NIPBL: variants seen among roughly 807,000 people sequenced by gnomAD.
NIPBL encodes nipped-B-like protein.
Under a neutral mutation model 321.8 loss-of-function variants are expected in NIPBL, and 19 were observed. The observed-to-expected ratio is 0.06, with a 90% CI of 0.04 to 0.09. The LOEUF (loss-of-function observed/expected upper bound fraction) is 0.09. Ranked by LOEUF, NIPBL falls within the 10% of genes least tolerant of loss-of-function variation. The probability of loss-of-function intolerance (pLI) is 1.00; values close to 1 mark genes in which losing one functional copy is unlikely to be tolerated. For missense variants in NIPBL, 2,210 were observed against 3,327.0 expected, an observed-to-expected ratio of 0.66 and a Z score of 8.26; for synonymous variants, 1,106 against 1,114.1, an observed-to-expected ratio of 0.99 and a Z score of 0.14.
At chr5:36,945,868 T>G (rs1228887563) in intron 1 of NIPBL, among the ~76,000 whole-genome samples, 1 of 152,138 alleles carries the variant, frequency 6.6e-6, no homozygotes, top group Non-Finnish European at 1.5e-5. Context: ...GTGGCTTGAC[T>G]GAAGTGAAAG....
chr5:36,954,623 A>G (rs1740740736), intron 2 of NIPBL, among the ~76,000 whole-genome samples: 1 of 152,282 alleles, frequency 6.6e-6, no homozygotes, highest in African/African-American at 2.4e-5. Context: ...TTTTCTCCCC[A>G]TGATCTTTGC....
Position 37,014,780 on chromosome 5 carries a change from T to C in NIPBL, c.4643+15T>C, listed in dbSNP as rs746631564. 5.4e-6 allele frequency: 8 copies of C among 1,481,350 alleles called. No homozygotes were observed. The South Asian group carries it at 5.7e-5, about 10-fold the overall frequency. The allele number at this position is 1,481,350 out of a possible 1,614,324, so 91.8% of individuals were successfully genotyped here. Reference sequence around the variant, plus strand: ...TTCCTTAAAAAGTGAGTAAAATTAATATAAATCTGGTTTTTCTTTTCCACA... The same window carrying C: ...TTCCTTAAAAAGTGAGTAAAATTAACATAAATCTGGTTTTTCTTTTCCACA... On this transcript the variant is annotated intron_variant, in intron 22 of 46. Transcript: ENST00000282516.
At chr5:36,943,040 T>C (rs1216931444) in intron 1 of NIPBL, among the ~76,000 whole-genome samples, 3 of 152,156 alleles carry the variant, frequency 2.0e-5, no homozygotes, top group Non-Finnish European at 2.9e-5. Context: ...GTTGTTATAT[T>C]GTAACTTCAA....
intron 11 of NIPBL, among the ~76,000 whole-genome samples, chr5:36,999,881 A>G (rs1746587222): frequency 6.6e-6 from 1 of 152,166 alleles, no homozygotes. Flanking sequence ...GGTTTAACTT[A>G]GCTATTAATT....
At position 36,961,438 on chromosome 5, in the gene NIPBL, T is replaced by C. The variant is rs1580338210; in HGVS notation, c.359-46T>C. 1.0e-5 allele frequency: 11 copies of C among 1,094,004 alleles called. No individual in the cohort carries two copies. The East Asian group carries it at 1.4e-4, about 14-fold the overall frequency. The allele number at this position is 1,094,004 out of a possible 1,614,324, so 67.8% of individuals were successfully genotyped here. On this transcript the variant is annotated intron_variant, in intron 4 of 46. Transcript: ENST00000282516. ...GATTTCAGTTATTTAAAGGACACTT[T>C]ACTGTTAGAAGAAAATAACGTTCTG...
intron 1 of NIPBL, among the ~76,000 whole-genome samples, chr5:36,903,049 C>G (rs1747356019): frequency 6.6e-6 from 1 of 152,030 alleles, no homozygotes; most frequent in East Asian, 1.9e-4. Context: ...GGATTACATT[C>G]TTGATTTGAC....
At chr5:36,980,580 C>T (rs149887556) in intron 9 of NIPBL, among the ~76,000 whole-genome samples, 2,081 of 151,606 alleles carry the variant, frequency 0.014, 51 homozygotes, top group African/African-American at 0.049. Flanking sequence ...TTACAGTTGC[C>T]TACAGTATTC....
intron 30 of NIPBL, 28 bp downstream of exon 30, chr5:37,024,747 T>G: frequency 6.4e-7 from 1 of 1,565,474 alleles, no homozygotes; most frequent in Non-Finnish European, 8.7e-7. Flanking sequence ...AAATTTATTT[T>G]TCATTAATGT....
chr5:37,026,186 T>C (rs2149704379), intron 30 of NIPBL, 43 bp from the exon 31 acceptor site: 2 of 1,145,998 alleles, frequency 1.7e-6, no homozygotes, highest in Non-Finnish European at 2.6e-6. Flanking sequence ...GAAATTGCCG[T>C]ATTTGTTATA....
At chr5:37,010,286 CTG>C (rs1407072481) in intron 21 of NIPBL, 61 bp downstream of exon 21, 1 of 1,295,442 alleles carries the variant, frequency 7.7e-7, no homozygotes, top group Non-Finnish European at 1.1e-6. Context: ...CCTATATTCT[CTG>C]TCATTCTTAT....
At position 37,001,299 on chromosome 5, in the gene NIPBL, G is replaced by A. The variant is rs140470215; in HGVS notation, c.3664+221G>A. On this transcript the variant is annotated intron_variant, in intron 14 of 46. Transcript: ENST00000282516. Reference sequence around the variant, plus strand: ...TATGATAAATACACAAATACTTAAGGCTTAACTCAGTTACTCTAGAGGATA... The same window carrying A: ...TATGATAAATACACAAATACTTAAGACTTAACTCAGTTACTCTAGAGGATA... Among the ~76,000 whole-genome samples, 1,237 of 152,120 alleles carry A rather than the reference G, an allele frequency of 8.1e-3. 11 individuals carry two copies. The highest frequency in any genetic ancestry group is 0.028 in the African/African-American group (1,176 of 41,498).
In NIPBL at chr5:36,984,822, G is replaced by A. The variant is rs755570564; in HGVS notation, c.1642G>A (p.Ala548Thr). 3 of 1,613,886 alleles carry A rather than the reference G, an allele frequency of 1.9e-6. No homozygotes were observed. Among genetic ancestry groups the A allele is most frequent in the South Asian group, 1.1e-5 (1 of 91,072 alleles). Residue 548 changes from alanine to threonine, a missense_variant, in exon 10 of 47, where the codon GCA becomes ACA. Transcript: ENST00000282516. ...AATGGTTAGCATTGATCTTCATCAG[G>A]CAGGAAGAGTGGACTCTCAGGCTTC... ...ALMVSIDLHQAGRVDSQASIT... is the reference protein window; with the variant it reads ...ALMVSIDLHQTGRVDSQASIT...
chr5:37,030,168 A>G (rs1183721685), intron 32 of NIPBL, among the ~76,000 whole-genome samples: 2 of 152,172 alleles, frequency 1.3e-5, no homozygotes, highest in African/African-American at 2.4e-5. Context: ...TCTCTTAACA[A>G]TGATAGTTTT....
intron 6 of NIPBL, 62 bp from the exon 7 acceptor site, chr5:36,970,813 TA>T: frequency 7.4e-7 from 1 of 1,359,456 alleles, no homozygotes; most frequent in South Asian, 1.2e-5. Flanking sequence ...TGTGAATAAT[TA>T]CTATTCTCCA....
chr5:36,962,366 C>G, intron 6 of NIPBL, 92 bp downstream of exon 6: 2 of 1,271,088 alleles, frequency 1.6e-6, no homozygotes, highest in Non-Finnish European at 2.3e-6. Context: ...TAAACACAAA[C>G]TAAAATACTA....
intron 22 of NIPBL, among the ~76,000 whole-genome samples, 195 bp downstream of exon 22, chr5:37,014,960 G>GA (rs879847984): frequency 1.4e-5 from 2 of 147,774 alleles, no homozygotes; most frequent in East Asian, 1.9e-4. Flanking sequence ...CTACACGGGG[G>GA]AAAAAAATCT....
intron 1 of NIPBL, among the ~76,000 whole-genome samples, chr5:36,896,184 A>G (rs1053112434): frequency 1.3e-5 from 2 of 152,240 alleles, no homozygotes; most frequent in African/African-American, 4.8e-5. Context: ...TGTTGAAAAG[A>G]CTATTCTTTC....
At chr5:36,949,712 T>G (rs1740061040) in intron 1 of NIPBL, among the ~76,000 whole-genome samples, 1 of 151,870 alleles carries the variant, frequency 6.6e-6, no homozygotes, top group Admixed American at 6.6e-5. Context: ...GGGTGCAAAG[T>G]GGCCCGCCAG....
At chr5:36,890,533 A>G (rs914743946) in intron 1 of NIPBL, among the ~76,000 whole-genome samples, 4 of 152,142 alleles carry the variant, frequency 2.6e-5, no homozygotes, top group African/African-American at 7.2e-5. Flanking sequence ...TTTTTACTAT[A>G]TATTTTTAAC....
Sources: allele counts gnomAD v4.1 joint callset (sites outside exome capture counted in the v4.1 genomes callset), GRCh38; gene constraint gnomAD v4.1.1; transcripts MANE v1.5; gene names NCBI Gene and HGNC (gene_info 2026-07-23, HGNC 2026-07-21).